Variants in DLGAP1 observed in about 807,000 individuals in gnomAD.
DLGAP1 encodes the protein DLG associated protein 1.
Under a neutral mutation model 90.8 loss-of-function variants are expected in DLGAP1, and 11 were observed. The ratio of observed to expected loss-of-function variants is 0.12; its 90% CI spans 0.08 to 0.20. The LOEUF is 0.20. Ranked by LOEUF, DLGAP1 falls within the 10% of genes least tolerant of loss-of-function variation. DLGAP1 has a pLI of 1.00. For synonymous variants in DLGAP1, 558 were observed against 540.7 expected (o/e 1.03, Z -0.44); for missense variants, 1,050 against 1,333.8 (o/e 0.79, Z 3.31).
intron 1 of DLGAP1, chr18:4,295,452 G>C (rs1034957368): frequency 6.6e-6 from 1 of 152,018 alleles, no homozygotes; most frequent in Non-Finnish European, 1.5e-5. Context: ...TTTCCACCAG[G>C]GCACAATGTC....
intron 1 of DLGAP1, among the ~76,000 whole-genome samples, chr18:4,366,704 TG>T (rs200966849): frequency 1.3e-5 from 2 of 150,624 alleles, no homozygotes; most frequent in Non-Finnish European, 3.0e-5. Flanking sequence ...CCAACGTCCA[TG>T]GAAAAAAAAA....
chr18:3,972,264 C>A (rs1175457807), intron 3 of DLGAP1, among the ~76,000 whole-genome samples: 14 of 152,074 alleles, frequency 9.2e-5, no homozygotes, highest in Non-Finnish European at 2.9e-5. Flanking sequence ...GTTATCCCAG[C>A]ATTTCTGGAG....
chr18:3,934,212 A>G (rs924779685), intron 3 of DLGAP1, among the ~76,000 whole-genome samples: 1 of 152,214 alleles, frequency 6.6e-6, no homozygotes, highest in African/African-American at 2.4e-5. Flanking sequence ...CACAGCCACG[A>G]CACTGTAAAA....
intron 2 of DLGAP1, among the ~76,000 whole-genome samples, chr18:4,006,648 CTT>C (rs148340836): frequency 0.066 from 9,296 of 141,140 alleles, 826 homozygotes; most frequent in African/African-American, 0.2. Flanking sequence ...CAACCCCTGG[CTT>C]TTTTTTTTTT....
At chr18:4,407,647 G>A (rs937705048) in intron 1 of DLGAP1, among the ~76,000 whole-genome samples, 18 of 152,126 alleles carry the variant, frequency 1.2e-4, no homozygotes, top group Admixed American at 2.6e-4. Flanking sequence ...GGGAGGCTGA[G>A]GCGGTAGGAT....
intron 1 of DLGAP1, among the ~76,000 whole-genome samples, chr18:4,204,652 A>G (rs1333607941): frequency 1.3e-5 from 2 of 152,166 alleles, no homozygotes; most frequent in Non-Finnish European, 2.9e-5. Flanking sequence ...GGTGTGCTCA[A>G]TTGAAAAATC....
intron 1 of DLGAP1, among the ~76,000 whole-genome samples, chr18:4,341,183 A>AATAT (rs368798400): frequency 3.3e-5 from 5 of 150,744 alleles, no homozygotes; most frequent in African/African-American, 1.2e-4. Context: ...AGAATAGAGG[A>AATAT]ATATATATAT....
chr18:3,929,840 A>C (rs1317240592), intron 3 of DLGAP1, among the ~76,000 whole-genome samples: 1 of 152,240 alleles, frequency 6.6e-6, no homozygotes, highest in African/African-American at 2.4e-5. Context: ...AACATTCTGT[A>C]GATAAATATT....
At chr18:4,049,138 A>G (rs2075096160) in intron 2 of DLGAP1, among the ~76,000 whole-genome samples, 1 of 151,716 alleles carries the variant, frequency 6.6e-6, no homozygotes, top group South Asian at 2.1e-4. Context: ...GTGGCAGGAG[A>G]ATTGCTTGAA....
chr18:4,444,426 T>A (rs2083612115), intron 1 of DLGAP1, among the ~76,000 whole-genome samples: 3 of 152,144 alleles, frequency 2.0e-5, no homozygotes, highest in Non-Finnish European at 4.4e-5. Flanking sequence ...TGGTGCCATA[T>A]CAGGCAGGAC....
intron 1 of DLGAP1, among the ~76,000 whole-genome samples, chr18:4,435,416 A>G (rs1395031712): frequency 6.6e-6 from 1 of 152,214 alleles, no homozygotes; most frequent in Non-Finnish European, 1.5e-5. Context: ...ATGGAAAGGT[A>G]TTATGGAAAG....
At chr18:4,429,322 C>G (rs1192616044) in intron 1 of DLGAP1, among the ~76,000 whole-genome samples, 1 of 152,090 alleles carries the variant, frequency 6.6e-6, no homozygotes, top group African/African-American at 2.4e-5. Flanking sequence ...CAACAGCCAC[C>G]ACTTGGAAGG....
In DLGAP1 at chr18:3,808,004, T is replaced by C. The variant is rs933420405; in HGVS notation, c.1172+6055A>G. Among the ~76,000 whole-genome samples, 4 of 152,288 alleles carry C rather than the reference T, an allele frequency of 2.6e-5. No homozygotes were observed. The East Asian group carries it at 7.7e-4, about 29-fold the overall frequency. ...TGGTACAGACTACAATACTCACACA[T>C]GCCCACATCATTTGGAGGAGGGCAT... On this transcript the variant is annotated intron_variant, in intron 5 of 12. Coordinates refer to ENST00000315677, the MANE Select transcript of DLGAP1 (RefSeq NM_004746.4).
chr18:3,901,821 A>G (rs2071790007), intron 3 of DLGAP1, among the ~76,000 whole-genome samples: 1 of 152,194 alleles, frequency 6.6e-6, no homozygotes, highest in South Asian at 2.1e-4. Context: ...AAACCCTAGA[A>G]TTAGGATATA....
chr18:4,388,898 G>A (rs2082287860), intron 1 of DLGAP1, among the ~76,000 whole-genome samples: 1 of 152,148 alleles, frequency 6.6e-6, no homozygotes, highest in African/African-American at 2.4e-5. Context: ...TGGAGCCCTT[G>A]TCTACTGTTG....
chr18:3,567,070 A>ATTCATTCATCATTCATTCAT (rs1555682270), intron 9 of DLGAP1, among the ~76,000 whole-genome samples: 46 of 151,034 alleles, frequency 3.0e-4, no homozygotes, highest in African/African-American at 1.1e-3. Flanking sequence ...TCATTCATTC[A>ATTCATTCATCATTCATTCAT]TCATTCATTC....
intron 9 of DLGAP1, among the ~76,000 whole-genome samples, chr18:3,544,821 C>G (rs2052919828): frequency 6.6e-6 from 1 of 151,956 alleles, no homozygotes; most frequent in Non-Finnish European, 1.5e-5. Context: ...TCACTGCAAC[C>G]TCTGCCTCCC....
At chr18:3,529,362 C>T (rs943420953) in intron 10 of DLGAP1, among the ~76,000 whole-genome samples, 1 of 152,148 alleles carries the variant, frequency 6.6e-6, no homozygotes, top group African/African-American at 2.4e-5. Context: ...TCTTGAACTT[C>T]CCAGCCTCCA....
At chr18:3,904,068 G>C (rs1278008791) in intron 3 of DLGAP1, among the ~76,000 whole-genome samples, 2 of 152,224 alleles carry the variant, frequency 1.3e-5, no homozygotes, top group African/African-American at 4.8e-5. Flanking sequence ...CCCTAGTCTA[G>C]TGAGAATTTC....
Sources: allele counts gnomAD v4.1 joint callset (sites outside exome capture counted in the v4.1 genomes callset), GRCh38; gene constraint gnomAD v4.1.1; transcripts MANE v1.5; gene names NCBI Gene and HGNC (gene_info 2026-07-23, HGNC 2026-07-21).